Variants in THRB observed in about 807,000 individuals in gnomAD.
THRB encodes the protein nuclear receptor subfamily 1 group A member 2.
THRB carries 12 observed loss-of-function variants against 47.8 expected under a neutral mutation model. The observed-to-expected ratio is 0.25, with a 90% CI of 0.16 to 0.41. THRB has a LOEUF of 0.41. Among genes scored for constraint, THRB ranks in the 10% least tolerant of loss-of-function variants. The pLI is 1.00. For synonymous variants in THRB, 218 were observed against 212.2 expected (o/e 1.03, Z -0.24); for missense variants, 348 against 589.2 (o/e 0.59, Z 4.24).
chr3:24,182,798 T>A (rs918891363), intron 5 of THRB, among the ~76,000 whole-genome samples: 1 of 152,186 alleles, frequency 6.6e-6, no homozygotes, highest in Non-Finnish European at 1.5e-5. Flanking sequence ...CCTCGGACTG[T>A]ATAAGTAGAT....
At chr3:24,454,930 A>G (rs1237150166) in intron 1 of THRB, among the ~76,000 whole-genome samples, 1 of 152,076 alleles carries the variant, frequency 6.6e-6, no homozygotes, top group Non-Finnish European at 1.5e-5. Context: ...TTTCAACAGC[A>G]CCATAGAAAA....
At chr3:24,133,494 A>C (rs1288933184) in intron 8 of THRB, 32 bp from the exon 9 acceptor site, 14 of 1,604,220 alleles carry the variant, frequency 8.7e-6, no homozygotes, top group Non-Finnish European at 1.0e-5. Context: ...GATTTAAATG[A>C]AGAAGTTGAA....
chr3:24,422,383 C>T (rs1306120110), intron 1 of THRB, among the ~76,000 whole-genome samples: 1 of 151,822 alleles, frequency 6.6e-6, no homozygotes, highest in East Asian at 2.0e-4. Context: ...TGTCATTTTC[C>T]AACCCTGTTT....
intron 1 of THRB, among the ~76,000 whole-genome samples, chr3:24,448,483 T>C (rs1363993094): frequency 1.3e-5 from 2 of 152,146 alleles, no homozygotes; most frequent in Non-Finnish European, 1.5e-5. Context: ...TTGCTATCAA[T>C]TAGGAAAGCT....
At chr3:24,290,243 A>T (rs999021964) in intron 3 of THRB, among the ~76,000 whole-genome samples, 3 of 152,144 alleles carry the variant, frequency 2.0e-5, no homozygotes, top group African/African-American at 7.2e-5. Flanking sequence ...TGGGGGGATA[A>T]ATCTTTCAGG....
chr3:24,246,735 C>A (rs529884420), intron 3 of THRB, among the ~76,000 whole-genome samples: 8 of 152,192 alleles, frequency 5.3e-5, no homozygotes, highest in Admixed American at 2.6e-4. Flanking sequence ...GTTTTGATCC[C>A]AAAATGATAG....
At chr3:24,177,904 A>C (rs931236390) in intron 5 of THRB, among the ~76,000 whole-genome samples, 1 of 152,228 alleles carries the variant, frequency 6.6e-6, no homozygotes, top group African/African-American at 2.4e-5. Flanking sequence ...TTTAGTTAAA[A>C]TATGAGACGA....
intron 5 of THRB, among the ~76,000 whole-genome samples, chr3:24,158,446 G>T (rs981413807): frequency 6.8e-6 from 1 of 148,030 alleles, no homozygotes. Flanking sequence ...GGGGAGGGTG[G>T]GGGACGAGTT....
chr3:24,198,686 C>G (rs1314419571), intron 4 of THRB, among the ~76,000 whole-genome samples: 3 of 152,034 alleles, frequency 2.0e-5, no homozygotes, highest in Non-Finnish European at 4.4e-5. Context: ...CTTATTTATT[C>G]TAAGCTCATG....
chr3:24,283,769 A>C (rs1239704532), intron 3 of THRB, among the ~76,000 whole-genome samples: 1 of 152,070 alleles, frequency 6.6e-6, no homozygotes, highest in East Asian at 1.9e-4. Context: ...CAAAAATCAC[A>C]AGCATTCTTA....
intron 1 of THRB, among the ~76,000 whole-genome samples, chr3:24,470,129 C>G (rs2074451571): frequency 6.6e-6 from 1 of 152,194 alleles, no homozygotes; most frequent in Non-Finnish European, 1.5e-5. Context: ...GTGACTCACA[C>G]TAACTTTACC....
intron 1 of THRB, among the ~76,000 whole-genome samples, chr3:24,442,957 TGGATCACTAGGTCA>T (rs150629406): frequency 0.043 from 6,472 of 151,726 alleles, 185 homozygotes; most frequent in Non-Finnish European, 0.064. Flanking sequence ...CCGAGGCGGG[TGGATCACTAGGTCA>T]GGAGATCGAG....
At chr3:24,187,867 A>G (rs939176612) in intron 5 of THRB, among the ~76,000 whole-genome samples, 5 of 152,198 alleles carry the variant, frequency 3.3e-5, no homozygotes, top group Admixed American at 6.5e-5. Flanking sequence ...AATGGTATTT[A>G]TAAGTTTCTT....
intron 1 of THRB, among the ~76,000 whole-genome samples, chr3:24,417,855 G>A (rs570843867): frequency 2.6e-5 from 4 of 151,964 alleles, no homozygotes; most frequent in South Asian, 4.2e-4. Flanking sequence ...ATTCACAAAT[G>A]AGGAAACGGG....
Position 24,145,519 on chromosome 3 carries a change from T to C in THRB, c.532+1156A>G, listed in dbSNP as rs572494420. On this transcript the variant is annotated intron_variant, in intron 7 of 10. Transcript: ENST00000646209. ...AGTATTTGGCTGTAAGTCAATCATATTCACATATCCCTATCAGGCATATTG... is the reference window on the plus strand; with the variant it reads ...AGTATTTGGCTGTAAGTCAATCATACTCACATATCCCTATCAGGCATATTG... Among the ~76,000 whole-genome samples, 9 of 152,338 alleles carry C rather than the reference T, an allele frequency of 5.9e-5. No individual in the cohort carries two copies. In the South Asian group the frequency reaches 1.9e-3, roughly 32 times the overall value.
intron 1 of THRB, among the ~76,000 whole-genome samples, chr3:24,401,367 G>A (rs1487502192): frequency 6.6e-6 from 1 of 152,032 alleles, no homozygotes; most frequent in Non-Finnish European, 1.5e-5. Flanking sequence ...CACTGAAAAT[G>A]TAATATATCC....
intron 1 of THRB, among the ~76,000 whole-genome samples, chr3:24,479,037 G>A (rs1309502083): frequency 1.3e-5 from 2 of 152,140 alleles, no homozygotes; most frequent in Admixed American, 6.5e-5. Flanking sequence ...GGGGGTTAAC[G>A]CCTGTAATCC....
chr3:24,174,127 T>G (rs2040822927), intron 5 of THRB, among the ~76,000 whole-genome samples: 1 of 152,192 alleles, frequency 6.6e-6, no homozygotes, highest in African/African-American at 2.4e-5. Context: ...CCTGTCAACC[T>G]GTCATCTACG....
chr3:24,173,677 GTTC>G (rs1382962239), intron 5 of THRB, among the ~76,000 whole-genome samples: 1 of 152,186 alleles, frequency 6.6e-6, no homozygotes, highest in Non-Finnish European at 1.5e-5. Flanking sequence ...TCCCTGGACA[GTTC>G]TTTTCAGTCA....
Sources: gnomAD v4.1 joint callset for allele counts (sites outside exome capture counted in the v4.1 genomes callset) on GRCh38, gnomAD v4.1.1 for gene constraint, MANE v1.5 for transcripts, NCBI Gene and HGNC (gene_info 2026-07-23, HGNC 2026-07-21) for gene names.